The following CMSS1 variants were observed in gnomAD, a reference collection of about 807,000 sequenced individuals.
The protein encoded by CMSS1 is cms1 ribosomal small subunit homolog, also known as protein CMSS1.
A neutral mutation model predicts 43.5 loss-of-function variants in CMSS1; 33 were observed. That is an observed-to-expected ratio of 0.76 (90% CI 0.57 to 1.01). The LOEUF (loss-of-function observed/expected upper bound fraction) is 1.01. Among genes scored for constraint, CMSS1 ranks in the 50% least tolerant of loss-of-function variants. The probability of loss-of-function intolerance (pLI) is 0.00; values close to 1 mark genes in which losing one functional copy is unlikely to be tolerated. For synonymous variants in CMSS1, 115 were observed against 117.2 expected (o/e 0.98, Z 0.12); for missense variants, 313 against 326.4 (o/e 0.96, Z 0.32).
At chr3:99,908,389 A>G (rs1396287484) in intron 1 of CMSS1, among the ~76,000 whole-genome samples, 1 of 152,252 alleles carries the variant, frequency 6.6e-6, no homozygotes, top group Non-Finnish European at 1.5e-5. Context: ...CATTTGAACC[A>G]TATTTGAAAT....
intron 1 of CMSS1, among the ~76,000 whole-genome samples, chr3:100,043,936 A>T (rs553117365): frequency 6.6e-6 from 1 of 152,218 alleles, no homozygotes; most frequent in Non-Finnish European, 1.5e-5. Context: ...GAGATCATAC[A>T]TACTTGTCTT....
rs181249031 is a variant in CMSS1, at chr3:99,880,954, C to T, written c.64+62911C>T. 4.0e-4 allele frequency among the ~76,000 whole-genome samples: 61 copies of T among 151,960 alleles called. 2 individuals are homozygous for T. The highest frequency in any genetic ancestry group is 5.9e-5 in the Non-Finnish European group (4 of 68,016). On this transcript the variant is annotated intron_variant, in intron 1 of 9. Coordinates refer to ENST00000421999, the MANE Select transcript of CMSS1 (RefSeq NM_032359.4). ...TTTCTGAATCATGTTAGTGGCTTTTCTGTAGACATTGGGCTATTTAAAAGC... is the reference window on the plus strand; with the variant it reads ...TTTCTGAATCATGTTAGTGGCTTTTTTGTAGACATTGGGCTATTTAAAAGC...
At chr3:99,931,075 T>G in intron 1 of CMSS1, 1 of 1,531,006 alleles carries the variant, frequency 6.5e-7, no homozygotes, top group Non-Finnish European at 8.9e-7. Context: ...GGAAATGGAG[T>G]TTTAATAAGA....
At chr3:99,819,772 T>G (rs76055653) in intron 1 of CMSS1, among the ~76,000 whole-genome samples, 4 of 150,040 alleles carry the variant, frequency 2.7e-5, no homozygotes, top group Non-Finnish European at 5.9e-5. Context: ...TTTTTTTTTT[T>G]GACACGGAGT....
chr3:99,950,978 T>C (rs1015092764), intron 1 of CMSS1, among the ~76,000 whole-genome samples: 5 of 152,226 alleles, frequency 3.3e-5, no homozygotes, highest in Admixed American at 3.3e-4. Flanking sequence ...AACTCAAAAC[T>C]TGTTAAGAGG....
chr3:99,993,188 T>G (rs1282477096), intron 1 of CMSS1, among the ~76,000 whole-genome samples: 6 of 152,068 alleles, frequency 3.9e-5, no homozygotes, highest in African/African-American at 1.2e-4. Context: ...TTTTTCTACT[T>G]TGGTGAAAAA....
intron 1 of CMSS1, among the ~76,000 whole-genome samples, chr3:99,960,589 A>G (rs547096912): frequency 6.6e-6 from 1 of 152,290 alleles, no homozygotes; most frequent in East Asian, 1.9e-4. Context: ...ATCTTCTTCT[A>G]TCCCTCCCTC....
intron 1 of CMSS1, among the ~76,000 whole-genome samples, chr3:99,937,704 T>A (rs1220295203): frequency 6.6e-6 from 1 of 152,222 alleles, no homozygotes; most frequent in Admixed American, 6.5e-5. Flanking sequence ...GATTGAATCA[T>A]GCAGTCCTCA....
intron 1 of CMSS1, among the ~76,000 whole-genome samples, chr3:100,136,230 G>GT (rs2066751711): frequency 1.3e-5 from 2 of 152,056 alleles, no homozygotes; most frequent in Non-Finnish European, 2.9e-5. Context: ...ATCATGCCCA[G>GT]TTTTTTGCCG....
At chr3:99,872,410 T>A (rs1944847212) in intron 1 of CMSS1, among the ~76,000 whole-genome samples, 1 of 151,978 alleles carries the variant, frequency 6.6e-6, no homozygotes, top group East Asian at 1.9e-4. Flanking sequence ...TGTTTGCTGT[T>A]CTGATGTAAT....
intron 1 of CMSS1, among the ~76,000 whole-genome samples, chr3:99,969,439 A>G (rs894106744): frequency 1.3e-5 from 2 of 152,198 alleles, no homozygotes; most frequent in African/African-American, 4.8e-5. Context: ...AGTTGCGTCA[A>G]TCTGAAAGCT....
At chr3:100,151,400 G>C (rs1165227666) in intron 2 of CMSS1, among the ~76,000 whole-genome samples, 3 of 152,168 alleles carry the variant, frequency 2.0e-5, no homozygotes, top group Admixed American at 6.5e-5. Flanking sequence ...TTGTGGGCTG[G>C]GGTTGGAGGC....
rs536207464 is a variant in CMSS1, at chr3:100,013,762, T to C, written c.65-133211T>C. Among the ~76,000 whole-genome samples, 4 of 152,356 alleles carry C rather than the reference T, an allele frequency of 2.6e-5. No homozygotes were observed. The East Asian group carries it at 7.7e-4, about 29-fold the overall frequency. ...TGCAATGTTTGATGTATGTATACCT[T>C]GTGAAATGATTAAATCCAGCTAATC... On this transcript the variant is annotated intron_variant, in intron 1 of 9. Coordinates refer to ENST00000421999, the MANE Select transcript of CMSS1 (RefSeq NM_032359.4).
intron 1 of CMSS1, chr3:99,848,233 T>C (rs780638143): frequency 6.3e-7 from 1 of 1,588,048 alleles, no homozygotes; most frequent in Non-Finnish European, 8.6e-7. Context: ...ATTGAGTTCC[T>C]TGCAAAAATA....
intron 1 of CMSS1, among the ~76,000 whole-genome samples, chr3:99,921,951 A>G (rs933147539): frequency 6.6e-6 from 1 of 152,108 alleles, no homozygotes; most frequent in Admixed American, 6.5e-5. Context: ...CTGCCTCCCA[A>G]CATTCCAGTA....
chr3:99,991,983 T>TGTATATATAC (rs1307742198), intron 1 of CMSS1, among the ~76,000 whole-genome samples: 2 of 150,164 alleles, frequency 1.3e-5, no homozygotes, highest in East Asian at 3.9e-4. Flanking sequence ...CACATATATG[T>TGTATATATAC]GTATATATAC....
intron 1 of CMSS1, among the ~76,000 whole-genome samples, chr3:100,108,221 G>C (rs2107470850): frequency 6.6e-6 from 1 of 152,178 alleles, no homozygotes; most frequent in African/African-American, 2.4e-5. Context: ...ATCTAACTAG[G>C]TCTTGTAGCA....
chr3:99,990,230 AGAG>A (rs140654583), intron 1 of CMSS1, among the ~76,000 whole-genome samples: 3,647 of 152,304 alleles, frequency 0.024, 65 homozygotes, highest in Middle Eastern at 0.041. Context: ...GGTAGTCAAG[AGAG>A]GAGAGAGAGG....
chr3:99,955,516 G>C (rs1708296157), intron 1 of CMSS1, among the ~76,000 whole-genome samples: 1 of 152,182 alleles, frequency 6.6e-6, no homozygotes, highest in African/African-American at 2.4e-5. Context: ...CAGGAAGCCA[G>C]TTCCTCAGAA....
Sources: allele counts gnomAD v4.1 joint callset (sites outside exome capture counted in the v4.1 genomes callset), GRCh38; gene constraint gnomAD v4.1.1; transcripts MANE v1.5; gene names NCBI Gene and HGNC (gene_info 2026-07-23, HGNC 2026-07-21).